PAK1: variants seen among roughly 807,000 people sequenced by gnomAD.
PAK1 encodes serine/threonine-protein kinase PAK 1.
PAK1 carries 29 observed loss-of-function variants against 67.4 expected under a neutral mutation model. That is an observed-to-expected ratio of 0.43 (90% CI 0.32 to 0.59). The LOEUF is 0.59. Among genes scored for constraint, PAK1 ranks in the 20% least tolerant of loss-of-function variants. The probability of loss-of-function intolerance (pLI) is 0.07; values close to 1 mark genes in which losing one functional copy is unlikely to be tolerated. For missense variants in PAK1, 337 were observed against 670.7 expected, an observed-to-expected ratio of 0.50 and a Z score of 5.50; for synonymous variants, 223 against 237.4, an observed-to-expected ratio of 0.94 and a Z score of 0.56.
chr11:77,429,057 A>T (rs975237207), intron 1 of PAK1, among the ~76,000 whole-genome samples: 1 of 19,808 alleles, frequency 5.0e-5, no homozygotes, highest in Non-Finnish European at 1.2e-4. Context: ...ATTTAATACT[A>T]AAAAAAAAAA....
intron 11 of PAK1, among the ~76,000 whole-genome samples, chr11:77,339,037 AAAAACTAGTGAAT>A (rs941651794): frequency 6.6e-6 from 1 of 152,136 alleles, no homozygotes; most frequent in Non-Finnish European, 1.5e-5. Flanking sequence ...TGAATATACT[AAAAACTAGTGAAT>A]TATATACTCT....
At chr11:77,495,382 G>A in the PAK1 span, among the ~76,000 whole-genome samples, 1 of 151,954 alleles carries the variant, frequency 6.6e-6, no homozygotes, top group South Asian at 2.1e-4. Context: ...GCTGAGGCAG[G>A]AGACTCACTT....
At chr11:77,515,260 G>A in the PAK1 span, among the ~76,000 whole-genome samples, 3 of 152,314 alleles carry the variant, frequency 2.0e-5, no homozygotes, top group Non-Finnish European at 4.4e-5. Flanking sequence ...AATTGCTGCT[G>A]AGTCAAGTCC....
chr11:77,514,844 G>GCAAGGTATATATATTGGCTCCATTT, the PAK1 span: 2 of 152,000 alleles, frequency 1.3e-5, no homozygotes. Context: ...TAACAATCCT[G>GCAAGGTATATATATTGGCTCCATTT]CACAGGTGCA....
the PAK1 span, among the ~76,000 whole-genome samples, chr11:77,509,455 C>A: frequency 0.96 from 146,740 of 152,246 alleles, 70,764 homozygotes; most frequent in Middle Eastern, 1. Context: ...TTTATTAAAG[C>A]CTCTAAATTT....
At chr11:77,343,733 G>A in intron 10 of PAK1, 86 bp downstream of exon 10, 1 of 802,800 alleles carries the variant, frequency 1.2e-6, no homozygotes, top group South Asian at 1.4e-5. Context: ...CAGTTCTGAG[G>A]GCTGGCACTG....
intron 1 of PAK1, among the ~76,000 whole-genome samples, chr11:77,430,319 G>A (rs1032813569): frequency 1.3e-5 from 2 of 152,158 alleles, no homozygotes; most frequent in African/African-American, 4.8e-5. Context: ...CCCATTTGAT[G>A]AGAACAAAGT....
chr11:77,400,652 C>A (rs1160867247), intron 1 of PAK1, among the ~76,000 whole-genome samples: 1 of 152,144 alleles, frequency 6.6e-6, no homozygotes, highest in Non-Finnish European at 1.5e-5. Flanking sequence ...TGCTAAAATT[C>A]TAGAAACAGT....
intron 14 of PAK1, among the ~76,000 whole-genome samples, chr11:77,325,801 C>A (rs1166330994): frequency 6.6e-6 from 1 of 152,142 alleles, no homozygotes; most frequent in Non-Finnish European, 1.5e-5. Flanking sequence ...AATCAGTAAC[C>A]TCAATTACAA....
At chr11:77,452,382 A>AG (rs1170681796) in intron 1 of PAK1, among the ~76,000 whole-genome samples, 1 of 152,166 alleles carries the variant, frequency 6.6e-6, no homozygotes, top group African/African-American at 2.4e-5. Context: ...CCTTGCAGAG[A>AG]GGTGTAGTAA....
chr11:77,339,777 T>A (rs896206965), intron 11 of PAK1, among the ~76,000 whole-genome samples: 6 of 152,126 alleles, frequency 3.9e-5, no homozygotes, highest in Non-Finnish European at 8.8e-5. Context: ...CTTCCCCTAA[T>A]TTCCTAACTT....
the PAK1 span, among the ~76,000 whole-genome samples, chr11:77,522,656 A>G: frequency 3.9e-5 from 6 of 152,262 alleles, no homozygotes; most frequent in Admixed American, 2.0e-4. Flanking sequence ...GTGGAAAACA[A>G]TTTGGAGATT....
intron 1 of PAK1, among the ~76,000 whole-genome samples, chr11:77,436,555 G>C (rs1424814789): frequency 6.6e-6 from 1 of 152,180 alleles, no homozygotes; most frequent in Admixed American, 6.5e-5. Flanking sequence ...CTGCATGCAA[G>C]ACACTGTGCT....
chr11:77,420,088 G>C (rs1341584282), intron 1 of PAK1, among the ~76,000 whole-genome samples: 3 of 152,176 alleles, frequency 2.0e-5, no homozygotes, highest in Non-Finnish European at 4.4e-5. Flanking sequence ...GCAGAGAAGG[G>C]AGACATTAAT....
chr11:77,478,529 T>C (rs1394595147), upstream of PAK1, among the ~76,000 whole-genome samples: 1 of 152,038 alleles, frequency 6.6e-6, no homozygotes, highest in Non-Finnish European at 1.5e-5. Context: ...TCCTAGCACT[T>C]TGGGAGGCCA....
chr11:77,469,192 T>G (rs1957737142), intron 1 of PAK1, among the ~76,000 whole-genome samples: 1 of 152,184 alleles, frequency 6.6e-6, no homozygotes, highest in Non-Finnish European at 1.5e-5. Context: ...TGGAGTCAGG[T>G]GCACATGGAC....
intron 14 of PAK1, among the ~76,000 whole-genome samples, chr11:77,327,158 T>C (rs1003657267): frequency 4.6e-5 from 7 of 152,186 alleles, no homozygotes; most frequent in South Asian, 2.1e-4. Flanking sequence ...CTACGTCTGA[T>C]TGGTATACCT....
chr11:77,324,776 C>CACACAGAGAG (rs1555136259), intron 14 of PAK1, among the ~76,000 whole-genome samples: 1 of 126,822 alleles, frequency 7.9e-6, no homozygotes, highest in Non-Finnish European at 1.5e-5. Flanking sequence ...CACACACACA[C>CACACAGAGAG]AGAGAGAGAG....
Position 77,323,423 on chromosome 11 carries a change from A to G in PAK1, c.1552-63T>C, listed in dbSNP as rs375018224. On this transcript the variant is annotated intron_variant, in intron 14 of 14. Coordinates refer to ENST00000356341, the MANE Select transcript of PAK1 (RefSeq NM_002576.5). The stretch of plus-strand genomic sequence containing the variant: ...TTAACATTCTTCCCCAGTAACCATT[A>G]CAAGACATAAAGGCATCTTTGTTTG... 35 of 1,106,800 alleles carry G rather than the reference A, an allele frequency of 3.2e-5. No individual in the cohort carries two copies. The East Asian group carries it at 4.5e-4, about 14-fold the overall frequency. 68.6% of individuals were successfully genotyped at this position (1,106,800 alleles called of 1,614,324 possible).
Sources: gnomAD v4.1 joint callset for allele counts (sites outside exome capture counted in the v4.1 genomes callset) on GRCh38, gnomAD v4.1.1 for gene constraint, MANE v1.5 for transcripts, NCBI Gene and HGNC (gene_info 2026-07-23, HGNC 2026-07-21) for gene names.